Variants in PDE7B observed in about 807,000 individuals in gnomAD.
The protein encoded by PDE7B is phosphodiesterase 7B.
Under a neutral mutation model 56.2 loss-of-function variants are expected in PDE7B, and 29 were observed. The observed-to-expected ratio is 0.52, with a 90% CI of 0.38 to 0.70. The LOEUF (loss-of-function observed/expected upper bound fraction) is 0.70. Ranked by LOEUF, PDE7B falls within the 30% of genes least tolerant of loss-of-function variation. PDE7B has a pLI of 0.00. For synonymous variants in PDE7B, 197 were observed against 196.9 expected (o/e 1.00, Z 0.00); for missense variants, 490 against 565.0 (o/e 0.87, Z 1.35).
intron 2 of PDE7B, among the ~76,000 whole-genome samples, chr6:136,008,950 G>A (rs1228538090): frequency 6.6e-6 from 1 of 151,964 alleles, no homozygotes; most frequent in Admixed American, 6.6e-5. Context: ...TTTTCTTCTA[G>A]GGTTTTTATG....
At chr6:136,148,370 A>G (rs1485665699) in intron 4 of PDE7B, among the ~76,000 whole-genome samples, 1 of 149,736 alleles carries the variant, frequency 6.7e-6, no homozygotes, top group Non-Finnish European at 1.5e-5. Flanking sequence ...AGAAAGAAGG[A>G]AAGAAAAGAA....
At chr6:136,128,038 G>A (rs1250181328) in intron 3 of PDE7B, among the ~76,000 whole-genome samples, 1 of 152,192 alleles carries the variant, frequency 6.6e-6, no homozygotes, top group Non-Finnish European at 1.5e-5. Flanking sequence ...AACCCAATCA[G>A]GTCATCAAGA....
At chr6:135,986,823 C>A (rs548618954) in intron 2 of PDE7B, among the ~76,000 whole-genome samples, 15 of 152,208 alleles carry the variant, frequency 9.9e-5, no homozygotes, top group Non-Finnish European at 1.6e-4. Context: ...GACCAAGAAT[C>A]TGATGAAATG....
intron 1 of PDE7B, among the ~76,000 whole-genome samples, chr6:135,856,412 C>A (rs1177968411): frequency 6.6e-6 from 1 of 152,184 alleles, no homozygotes; most frequent in Non-Finnish European, 1.5e-5. Flanking sequence ...TATTACTTCA[C>A]TTAATATCTT....
intron 3 of PDE7B, among the ~76,000 whole-genome samples, chr6:136,110,817 A>T (rs961730031): frequency 2.6e-5 from 4 of 151,916 alleles, no homozygotes; most frequent in Non-Finnish European, 2.9e-5. Flanking sequence ...TGCAGATAAT[A>T]ATTCAGTGTC....
At chr6:135,945,672 C>T (rs73558723) in intron 1 of PDE7B, among the ~76,000 whole-genome samples, 2,236 of 152,058 alleles carry the variant, frequency 0.015, 56 homozygotes, top group African/African-American at 0.052. Context: ...ATAGTTACAA[C>T]AAAGATTGAT....
rs962689965 is a variant in PDE7B, at chr6:136,108,828, T to C, written c.166+14T>C. The stretch of plus-strand genomic sequence containing the variant: ...GCCTACTTAACAGTGAGTAATCAAG[T>C]GTACCTGGAAAGGAACAAACGTTTT... On this transcript the variant is annotated intron_variant, in intron 3 of 12. Transcript: ENST00000308191. 1.3e-5 allele frequency: 19 copies of C among 1,485,358 alleles called. No individual in the cohort carries two copies. Among genetic ancestry groups the C allele is most frequent in the African/African-American group, 5.5e-5 (4 of 72,438 alleles). 92.0% of individuals were successfully genotyped at this position (1,485,358 alleles called of 1,614,324 possible).
At position 135,955,839 on chromosome 6, in the gene PDE7B, T is replaced by C. The variant is rs75405805; in HGVS notation, c.82+8315T>C. Among the ~76,000 whole-genome samples the C allele has an allele frequency of 4.7e-3, 715 of 152,266 alleles. 7 individuals are homozygous for C. Among genetic ancestry groups the C allele is most frequent in the African/African-American group, 0.017 (689 of 41,552 alleles). On this transcript the variant is annotated intron_variant, in intron 2 of 12. Transcript: ENST00000308191. ...AATGGGTTGAGTGTATGAAGTGTTA[T>C]TAAACAGATCGAGATACTGCCCTGT...
At chr6:135,961,847 T>C (rs975874820) in intron 2 of PDE7B, among the ~76,000 whole-genome samples, 29 of 152,172 alleles carry the variant, frequency 1.9e-4, no homozygotes, top group Non-Finnish European at 2.1e-4. Flanking sequence ...TGAAAAGTTA[T>C]GATTAAGGGA....
chr6:136,183,224 G>A (rs1202710300), intron 11 of PDE7B, among the ~76,000 whole-genome samples: 1 of 152,110 alleles, frequency 6.6e-6, no homozygotes, highest in Non-Finnish European at 1.5e-5. Context: ...TTTCCTGGCA[G>A]AGGAAGAATA....
At chr6:135,947,209 G>A (rs909646138) in intron 1 of PDE7B, among the ~76,000 whole-genome samples, 6 of 152,066 alleles carry the variant, frequency 3.9e-5, no homozygotes, top group African/African-American at 9.7e-5. Context: ...ATCTCTAGTC[G>A]TGACTTCACA....
chr6:135,968,939 T>G (rs1387166786), intron 2 of PDE7B, among the ~76,000 whole-genome samples: 1 of 152,152 alleles, frequency 6.6e-6, no homozygotes, highest in African/African-American at 2.4e-5. Context: ...ATATACACCA[T>G]GGAATACTAT....
chr6:136,136,274 T>A (rs1273064586), intron 3 of PDE7B, among the ~76,000 whole-genome samples: 1 of 152,130 alleles, frequency 6.6e-6, no homozygotes, highest in East Asian at 1.9e-4. Flanking sequence ...GAGTTCCGCA[T>A]TCTTGAACTT....
intron 2 of PDE7B, among the ~76,000 whole-genome samples, chr6:135,960,977 G>A (rs1265914025): frequency 2.0e-5 from 3 of 152,126 alleles, no homozygotes; most frequent in Admixed American, 6.5e-5. Flanking sequence ...AACCTGACCT[G>A]TCACCTGTTT....
chr6:135,944,692 C>T (rs1279201471), intron 1 of PDE7B, among the ~76,000 whole-genome samples: 1 of 152,128 alleles, frequency 6.6e-6, no homozygotes. Flanking sequence ...TTCAAAAACT[C>T]CTCCTGAATT....
chr6:135,934,672 G>A (rs1404749303), intron 1 of PDE7B, among the ~76,000 whole-genome samples: 4 of 144,398 alleles, frequency 2.8e-5, no homozygotes, highest in Admixed American at 7.2e-5. Flanking sequence ...GGAGGTTGCA[G>A]TTAGCTGAGA....
chr6:136,191,526 G>C (rs1018345476), intron 12 of PDE7B, 88 bp from the exon 13 acceptor site: 2 of 1,102,210 alleles, frequency 1.8e-6, no homozygotes, highest in Non-Finnish European at 2.7e-6. Context: ...AATTAGCCGG[G>C]CGTGGTGGGT....
Position 136,038,404 on chromosome 6 carries a change from G to T in PDE7B, c.83-70327G>T, listed in dbSNP as rs1349012917. ...GCCGGCCGGGGTGCCAGCAGGGGCC[G>T]CTGCCCTGGGACTTGCCAGAGATGA... is the stretch of plus-strand genomic sequence containing the variant. On this transcript the variant is annotated intron_variant, in intron 2 of 12. Coordinates refer to ENST00000308191, the MANE Select transcript of PDE7B (RefSeq NM_018945.4). 3.1e-6 allele frequency: 4 copies of T among 1,291,102 alleles called. No homozygotes were observed. The African/African-American group carries it at 6.1e-5, about 20-fold the overall frequency. 80.0% of individuals were successfully genotyped at this position (1,291,102 alleles called of 1,614,324 possible). A position where few individuals can be genotyped will look rare whatever the true frequency, so the allele number is the denominator to read the frequency against.
chr6:136,088,893 G>A (rs1777336999), intron 2 of PDE7B, among the ~76,000 whole-genome samples: 1 of 151,994 alleles, frequency 6.6e-6, no homozygotes, highest in Non-Finnish European at 1.5e-5. Context: ...ATTTGGCAGG[G>A]GGTGGAGGGG....
Sources: gnomAD v4.1 joint callset for allele counts (sites outside exome capture counted in the v4.1 genomes callset) on GRCh38, gnomAD v4.1.1 for gene constraint, MANE v1.5 for transcripts, NCBI Gene and HGNC (gene_info 2026-07-23, HGNC 2026-07-21) for gene names.